The following FBXL17 variants were observed in gnomAD, a reference collection of about 807,000 sequenced individuals.
The protein encoded by FBXL17 is F-box/LRR-repeat protein 17.
A neutral mutation model predicts 66.2 loss-of-function variants in FBXL17; 22 were observed. The ratio of observed to expected loss-of-function variants is 0.33; its 90% CI spans 0.24 to 0.47. FBXL17 has a LOEUF of 0.47. FBXL17 is among the 20% of genes least tolerant of loss of function. The pLI, the probability that FBXL17 is intolerant of heterozygous loss-of-function variation, is 1.00. For missense variants in FBXL17, 878 were observed against 948.2 expected (o/e 0.93, Z 0.97); for synonymous variants, 474 against 400.5 (o/e 1.18, Z -2.19).
At chr5:108,106,912 C>A (rs973324028) in intron 6 of FBXL17, among the ~76,000 whole-genome samples, 1 of 151,914 alleles carries the variant, frequency 6.6e-6, no homozygotes, top group African/African-American at 2.4e-5. Flanking sequence ...GAATAGTACA[C>A]CTTAAATGGG....
intron 4 of FBXL17, among the ~76,000 whole-genome samples, chr5:108,294,043 C>CAAAAAAAAAAA (rs71624893): frequency 7.8e-5 from 4 of 51,124 alleles, no homozygotes; most frequent in East Asian, 1.4e-3. Flanking sequence ...TCTTGTCTCA[C>CAAAAAAAAAAA]AAAAAAAAAA....
In FBXL17 at chr5:108,224,528, TACACAC is replaced by T. The variant is rs138044828; in HGVS notation, c.1507-306_1507-301del. 1.9e-3 allele frequency among the ~76,000 whole-genome samples: 283 copies of T among 147,364 alleles called. 1 individual carries two copies. The highest frequency in any genetic ancestry group is 3.3e-3 in the Non-Finnish European group (222 of 66,690). The stretch of plus-strand genomic sequence containing the variant: ...GTGTGTGTATATATATGTATATGTA[TACACAC>T]ACACACACACACACACACACACAAA... On this transcript the variant is annotated intron_variant, in intron 4 of 8. Coordinates refer to ENST00000542267, the MANE Select transcript of FBXL17 (RefSeq NM_001163315.3).
chr5:107,871,886 ATAAT>A (rs1267932787), intron 8 of FBXL17, among the ~76,000 whole-genome samples: 1 of 152,206 alleles, frequency 6.6e-6, no homozygotes, highest in Non-Finnish European at 1.5e-5. Flanking sequence ...GCTGAAAAAC[ATAAT>A]TGAGGGGGAA....
At chr5:108,156,711 G>A (rs1752010931) in intron 6 of FBXL17, among the ~76,000 whole-genome samples, 1 of 151,728 alleles carries the variant, frequency 6.6e-6, no homozygotes, top group African/African-American at 2.4e-5. Flanking sequence ...ATCACTTTGT[G>A]ACTCTATCTA....
chr5:108,212,954 G>C (rs778920359), intron 5 of FBXL17, among the ~76,000 whole-genome samples: 2 of 152,160 alleles, frequency 1.3e-5, no homozygotes, highest in Non-Finnish European at 2.9e-5. Context: ...AGGAAGATAG[G>C]GGTTTTATCT....
intron 7 of FBXL17, among the ~76,000 whole-genome samples, chr5:108,009,308 T>TGTACACAC (rs1754086732): frequency 2.4e-5 from 1 of 42,218 alleles, no homozygotes; most frequent in Non-Finnish European, 4.7e-5. Context: ...TATACATATA[T>TGTACACAC]ACATACACAT....
At chr5:108,345,082 C>T (rs1435734490) in intron 4 of FBXL17, among the ~76,000 whole-genome samples, 1 of 152,070 alleles carries the variant, frequency 6.6e-6, no homozygotes, top group Non-Finnish European at 1.5e-5. Flanking sequence ...CACCTGTAAT[C>T]CCAGCACTTT....
chr5:108,089,938 C>T (rs574917883), intron 6 of FBXL17, among the ~76,000 whole-genome samples: 20 of 152,210 alleles, frequency 1.3e-4, no homozygotes, highest in African/African-American at 4.8e-4. Context: ...AGCAATCTTC[C>T]CATCTCAGCC....
At chr5:107,875,107 CTT>C (rs374471434) in intron 8 of FBXL17, among the ~76,000 whole-genome samples, 6 of 143,392 alleles carry the variant, frequency 4.2e-5, no homozygotes, top group Admixed American at 1.4e-4. Flanking sequence ...CTCTCTCTCT[CTT>C]TTTTTTTTTT....
chr5:108,070,443 A>G (rs182305001), intron 6 of FBXL17, among the ~76,000 whole-genome samples: 1 of 152,356 alleles, frequency 6.6e-6, no homozygotes, highest in East Asian at 1.9e-4. Context: ...CTATAAAATG[A>G]AAACCGAAAA....
chr5:108,152,369 A>G (rs2149997145), intron 6 of FBXL17, among the ~76,000 whole-genome samples: 1 of 152,340 alleles, frequency 6.6e-6, no homozygotes, highest in Admixed American at 6.5e-5. Flanking sequence ...GGTGTCCAAC[A>G]GGTCGGGCAT....
At chr5:108,210,714 G>A (rs1195516638) in intron 5 of FBXL17, among the ~76,000 whole-genome samples, 1 of 152,172 alleles carries the variant, frequency 6.6e-6, no homozygotes, top group African/African-American at 2.4e-5. Context: ...ATTTGCTGAG[G>A]AGTGTTTTAC....
chr5:108,034,371 T>G (rs1298646829), intron 6 of FBXL17, among the ~76,000 whole-genome samples: 1 of 152,192 alleles, frequency 6.6e-6, no homozygotes, highest in African/African-American at 2.4e-5. Context: ...ATGTTGTAAC[T>G]TAAAAGGTAC....
chr5:108,289,545 T>C (rs918411884), intron 4 of FBXL17, among the ~76,000 whole-genome samples: 8 of 152,034 alleles, frequency 5.3e-5, no homozygotes, highest in Non-Finnish European at 1.2e-4. Context: ...TTTCAAGGGA[T>C]GGTATGAGAA....
At position 108,134,062 on chromosome 5, in the gene FBXL17, T is replaced by C. The variant is rs574421936; in HGVS notation, c.1745+52055A>G. ...AGCTGTTTTGAAGATATATTACCAT[T>C]ACTTAGGAAAGCCCAAAAATCTAGC... On this transcript the variant is annotated intron_variant, in intron 6 of 8. Transcript: ENST00000542267. 1.6e-4 allele frequency among the ~76,000 whole-genome samples: 25 copies of C among 152,280 alleles called. 1 individual carries two copies. In the South Asian group the frequency reaches 5.2e-3, roughly 32 times the overall value.
intron 6 of FBXL17, among the ~76,000 whole-genome samples, chr5:108,031,343 A>T (rs1746631801): frequency 6.6e-6 from 1 of 152,146 alleles, no homozygotes; most frequent in Non-Finnish European, 1.5e-5. Flanking sequence ...AGGGTAAAAA[A>T]TAGGTAGAAA....
At chr5:108,318,865 G>A (rs1759491113) in intron 4 of FBXL17, among the ~76,000 whole-genome samples, 1 of 151,854 alleles carries the variant, frequency 6.6e-6, no homozygotes, top group African/African-American at 2.4e-5. Context: ...AGGGATAACT[G>A]CAATCAATAT....
At chr5:108,109,795 G>T (rs541183114) in intron 6 of FBXL17, among the ~76,000 whole-genome samples, 2 of 152,158 alleles carry the variant, frequency 1.3e-5, no homozygotes, top group South Asian at 4.1e-4. Context: ...ATCAATACAA[G>T]AGCAATACAT....
At chr5:107,989,979 C>A (rs148205745) in intron 7 of FBXL17, among the ~76,000 whole-genome samples, 1 of 152,132 alleles carries the variant, frequency 6.6e-6, no homozygotes, top group Non-Finnish European at 1.5e-5. Context: ...CTTCTCTTCC[C>A]CTAACCCCTT....
Sources: gnomAD v4.1 joint callset for allele counts (sites outside exome capture counted in the v4.1 genomes callset) on GRCh38, gnomAD v4.1.1 for gene constraint, MANE v1.5 for transcripts, NCBI Gene and HGNC (gene_info 2026-07-23, HGNC 2026-07-21) for gene names.